Variants in CSMD1 observed in about 807,000 individuals in gnomAD.
CSMD1 encodes the protein CUB and Sushi multiple domains 1.
In CSMD1, 213 loss-of-function variants were observed where a neutral mutation model predicts 417.5. That is an observed-to-expected ratio of 0.51 (90% confidence interval 0.46 to 0.57). CSMD1 has a LOEUF of 0.57. Ranked by LOEUF, CSMD1 falls within the 20% of genes least tolerant of loss-of-function variation. CSMD1 has a pLI of 0.00. For missense variants in CSMD1, 6,923 were observed against 4,529.7 expected, an observed-to-expected ratio of 1.53 and a Z score of -15.17; for synonymous variants, 2,862 against 1,736.8, an observed-to-expected ratio of 1.65 and a Z score of -16.11.
intron 1 of CSMD1, among the ~76,000 whole-genome samples, chr8:4,796,872 G>A (rs7010443): frequency 0.16 from 23,609 of 152,156 alleles, 2,465 homozygotes; most frequent in African/African-American, 0.29. Flanking sequence ...CAGGCAAGCC[G>A]CACATATGCA....
chr8:3,744,668 T>C (rs1264492416), intron 6 of CSMD1, among the ~76,000 whole-genome samples: 9 of 152,218 alleles, frequency 5.9e-5, no homozygotes, highest in Non-Finnish European at 1.3e-4. Context: ...TTACAAGCGA[T>C]GCCTACAGAC....
intron 3 of CSMD1, among the ~76,000 whole-genome samples, chr8:4,260,674 C>T (rs151136677): frequency 2.0e-5 from 3 of 152,150 alleles, no homozygotes; most frequent in East Asian, 3.9e-4. Flanking sequence ...TCAGTTTTTG[C>T]GAGAGGTTAA....
intron 3 of CSMD1, among the ~76,000 whole-genome samples, chr8:4,278,839 A>G (rs1367131940): frequency 6.6e-6 from 1 of 152,170 alleles, no homozygotes; most frequent in Non-Finnish European, 1.5e-5. Context: ...TATAGGAAAA[A>G]CACTTTAAAT....
intron 7 of CSMD1, among the ~76,000 whole-genome samples, chr8:3,679,108 G>C (rs1484413512): frequency 2.0e-5 from 3 of 152,048 alleles, no homozygotes; most frequent in Non-Finnish European, 1.5e-5. Context: ...ATCGAGGCTA[G>C]GAAGAAAACT....
At chr8:3,343,242 A>T (rs1165114680) in intron 23 of CSMD1, 52 bp downstream of exon 23, 1 of 1,490,756 alleles carries the variant, frequency 6.7e-7, no homozygotes, top group African/African-American at 1.4e-5. Context: ...CAAGTATCAG[A>T]TATGTCCTGA....
At chr8:4,284,316 C>T (rs759405129) in intron 3 of CSMD1, among the ~76,000 whole-genome samples, 78 of 152,096 alleles carry the variant, frequency 5.1e-4, no homozygotes, top group Non-Finnish European at 9.6e-4. Context: ...TGCCGTGAGC[C>T]GAGATCCTGC....
chr8:3,178,575 G>GT (rs1432613296), intron 37 of CSMD1, among the ~76,000 whole-genome samples: 1 of 152,158 alleles, frequency 6.6e-6, no homozygotes, highest in Non-Finnish European at 1.5e-5. Flanking sequence ...GTTATTAACA[G>GT]TGTGGCTAGG....
intron 49 of CSMD1, among the ~76,000 whole-genome samples, chr8:3,072,275 C>A (rs902569162): frequency 1.3e-5 from 2 of 152,090 alleles, no homozygotes; most frequent in Non-Finnish European, 2.9e-5. Context: ...TTAAGCTGAC[C>A]AAACTAGGAG....
intron 50 of CSMD1, among the ~76,000 whole-genome samples, chr8:3,034,124 G>C (rs1213397568): frequency 6.6e-6 from 1 of 152,198 alleles, no homozygotes; most frequent in African/African-American, 2.4e-5. Context: ...CTGCCTGATT[G>C]ATACACCTAT....
intron 3 of CSMD1, among the ~76,000 whole-genome samples, chr8:4,362,451 G>A (rs982909906): frequency 1.3e-5 from 2 of 152,184 alleles, no homozygotes; most frequent in Non-Finnish European, 2.9e-5. Context: ...TTTTGTTAAA[G>A]GTCCCTTGCT....
At chr8:3,627,606 G>C (rs781401740) in intron 7 of CSMD1, among the ~76,000 whole-genome samples, 6 of 152,110 alleles carry the variant, frequency 3.9e-5, no homozygotes, top group African/African-American at 1.4e-4. Context: ...ATATTCTATA[G>C]TGTAAACTTT....
chr8:3,734,861 G>A (rs752105717), intron 6 of CSMD1, among the ~76,000 whole-genome samples: 9 of 152,108 alleles, frequency 5.9e-5, no homozygotes, highest in East Asian at 1.9e-4. Flanking sequence ...ATCTAATGCC[G>A]CTGATGCTAC....
At chr8:3,275,297 T>A (rs557512785) in intron 26 of CSMD1, among the ~76,000 whole-genome samples, 19 of 152,326 alleles carry the variant, frequency 1.2e-4, no homozygotes, top group Admixed American at 7.8e-4. Flanking sequence ...TCAAGAGATC[T>A]GCTGTTAGTC....
intron 41 of CSMD1, among the ~76,000 whole-genome samples, chr8:3,119,698 T>C (rs538389426): frequency 6.6e-6 from 1 of 152,188 alleles, no homozygotes; most frequent in African/African-American, 2.4e-5. Flanking sequence ...AAGCCCTCTC[T>C]AGCATCTTTG....
At chr8:4,197,297 A>T (rs933437105) in intron 3 of CSMD1, among the ~76,000 whole-genome samples, 2 of 152,222 alleles carry the variant, frequency 1.3e-5, no homozygotes, top group African/African-American at 4.8e-5. Flanking sequence ...AAGTATTATG[A>T]TGGGTAATGT....
intron 23 of CSMD1, among the ~76,000 whole-genome samples, chr8:3,335,628 C>T (rs1807209206): frequency 6.6e-6 from 1 of 152,094 alleles, no homozygotes; most frequent in Admixed American, 6.5e-5. Context: ...ATGAGTCGAG[C>T]TCGTGCCATT....
chr8:2,959,730 G>T lies in CSMD1; in HGVS notation c.9702+1411C>A, dbSNP rs188724428. Among the ~76,000 whole-genome samples the T allele has an allele frequency of 9.9e-5, 15 of 152,272 alleles. No homozygotes were observed. The East Asian group carries it at 2.3e-3, about 24-fold the overall frequency. Reference sequence around the variant, plus strand: ...TTCACACTGAAATGGCTCACTTTGTGTAAGTAAGGTTTCAGCATATGGTGC... The same window carrying T: ...TTCACACTGAAATGGCTCACTTTGTTTAAGTAAGGTTTCAGCATATGGTGC... On this transcript the variant is annotated intron_variant, in intron 62 of 69. Transcript: ENST00000635120.
At chr8:4,412,909 A>T (rs1162196927) in intron 3 of CSMD1, among the ~76,000 whole-genome samples, 1 of 152,150 alleles carries the variant, frequency 6.6e-6, no homozygotes, top group Non-Finnish European at 1.5e-5. Flanking sequence ...AACTGACAAC[A>T]ATCAGATAAA....
chr8:4,824,808 A>G (rs1176853918), intron 1 of CSMD1, among the ~76,000 whole-genome samples: 2 of 152,170 alleles, frequency 1.3e-5, no homozygotes, highest in African/African-American at 4.8e-5. Context: ...ACTCGGAGGA[A>G]ATGACCAGGT....
Sources: gnomAD v4.1 joint callset for allele counts (sites outside exome capture counted in the v4.1 genomes callset) on GRCh38, gnomAD v4.1.1 for gene constraint, MANE v1.5 for transcripts, NCBI Gene and HGNC (gene_info 2026-07-23, HGNC 2026-07-21) for gene names.